Variants in ZNRF2 observed in about 807,000 individuals in gnomAD.
ZNRF2 encodes E3 ubiquitin-protein ligase ZNRF2.
ZNRF2 carries 16 observed loss-of-function variants against 20.4 expected under a neutral mutation model. The observed-to-expected ratio is 0.79, with a 90% CI of 0.53 to 1.19. ZNRF2 has a LOEUF of 1.19. Among genes scored for constraint, ZNRF2 ranks in the 50% most tolerant of loss-of-function variants. The pLI is 0.00. For synonymous variants in ZNRF2, 178 were observed against 144.9 expected, an observed-to-expected ratio of 1.23 and a Z score of -1.64; for missense variants, 363 against 332.4, an observed-to-expected ratio of 1.09 and a Z score of -0.72.
intron 1 of ZNRF2, among the ~76,000 whole-genome samples, chr7:30,319,737 G>A (rs575499703): frequency 6.6e-6 from 1 of 152,266 alleles, no homozygotes; most frequent in South Asian, 2.1e-4. Context: ...AGTTCTTTGG[G>A]TAGAAGAGAA....
intron 1 of ZNRF2, among the ~76,000 whole-genome samples, chr7:30,321,522 C>T (rs1406108882): frequency 6.6e-6 from 1 of 152,008 alleles, no homozygotes; most frequent in Non-Finnish European, 1.5e-5. Context: ...GTTTAATTCA[C>T]TGTATTTAAC....
At chr7:30,295,048 AGAGTGTGT>A (rs1409137135) in intron 1 of ZNRF2, among the ~76,000 whole-genome samples, 145 of 79,026 alleles carry the variant, frequency 1.8e-3, no homozygotes, top group East Asian at 2.8e-3. Context: ...AGAGAGAGAG[AGAGTGTGT>A]GTGTGTGTGT....
chr7:30,361,641 C>T (rs774860277), intron 3 of ZNRF2, among the ~76,000 whole-genome samples: 2 of 152,180 alleles, frequency 1.3e-5, no homozygotes, highest in Admixed American at 6.5e-5. Flanking sequence ...TATATCTATG[C>T]TGTCCCCTAG....
At chr7:30,350,330 A>G (rs891857571) in intron 2 of ZNRF2, among the ~76,000 whole-genome samples, 2 of 152,060 alleles carry the variant, frequency 1.3e-5, no homozygotes, top group Non-Finnish European at 2.9e-5. Flanking sequence ...TTCCTCCTAA[A>G]GAATAGTCTT....
chr7:30,292,166 A>G (rs1798922947), intron 1 of ZNRF2, among the ~76,000 whole-genome samples: 1 of 152,272 alleles, frequency 6.6e-6, no homozygotes, highest in East Asian at 1.9e-4. Context: ...AAAGCTACAC[A>G]TTTTCCTCCA....
intron 2 of ZNRF2, among the ~76,000 whole-genome samples, chr7:30,342,164 G>A (rs1408050649): frequency 1.3e-5 from 2 of 151,816 alleles, no homozygotes; most frequent in Non-Finnish European, 2.9e-5. Flanking sequence ...ACACTGATGG[G>A]TCTTGACTCT....
chr7:30,358,415 C>T (rs1010510044), intron 3 of ZNRF2, among the ~76,000 whole-genome samples: 2 of 152,100 alleles, frequency 1.3e-5, no homozygotes, highest in Admixed American at 6.5e-5. Flanking sequence ...TATAGGTAAT[C>T]TGAAATTAAT....
intron 1 of ZNRF2, among the ~76,000 whole-genome samples, chr7:30,302,989 A>C (rs975103057): frequency 6.6e-6 from 1 of 152,192 alleles, no homozygotes; most frequent in East Asian, 1.9e-4. Context: ...TCTGTAATAA[A>C]GAAGTCTAAG....
rs936101016 is a variant in ZNRF2 at position 30,364,903 on chromosome 7, A to T, written c.*23-1132A>T. ...GAAGTCTAAGATCAAGGTTCCAGCCAGTAGATCTGGTGTCTGATGAGGGCT... is the reference window on the plus strand; with the variant it reads ...GAAGTCTAAGATCAAGGTTCCAGCCTGTAGATCTGGTGTCTGATGAGGGCT... On this transcript the variant is annotated intron_variant, in intron 4 of 4. Coordinates refer to ENST00000323037, the MANE Select transcript of ZNRF2 (RefSeq NM_147128.4). Among the ~76,000 whole-genome samples the T allele has an allele frequency of 2.6e-5, 4 of 152,286 alleles. No homozygotes were observed. In the East Asian group the frequency reaches 7.7e-4, roughly 29 times the overall value.
chr7:30,354,742 A>G (rs768394256), intron 2 of ZNRF2, among the ~76,000 whole-genome samples: 2 of 152,172 alleles, frequency 1.3e-5, no homozygotes, highest in African/African-American at 2.4e-5. Context: ...TATAATATAA[A>G]TTCATATTGC....
intron 2 of ZNRF2, among the ~76,000 whole-genome samples, chr7:30,354,896 G>A (rs958000156): frequency 6.6e-6 from 1 of 151,992 alleles, no homozygotes; most frequent in African/African-American, 2.4e-5. Flanking sequence ...TCTATTTTAA[G>A]CAAACTGCTT....
At chr7:30,358,495 CTA>C (rs147494481) in intron 3 of ZNRF2, among the ~76,000 whole-genome samples, 1,747 of 152,194 alleles carry the variant, frequency 0.011, 18 homozygotes, top group Middle Eastern at 0.041. Context: ...TCAGATTGAT[CTA>C]TATAGTTAAT....
intron 2 of ZNRF2, among the ~76,000 whole-genome samples, chr7:30,350,154 A>ATTAG (rs1435276500): frequency 1.3e-5 from 2 of 152,024 alleles, no homozygotes; most frequent in East Asian, 3.8e-4. Flanking sequence ...TAGGTGTGGA[A>ATTAG]TTAGTGCTCC....
chr7:30,302,653 CTGT>C (rs1223179588), intron 1 of ZNRF2, among the ~76,000 whole-genome samples: 1 of 151,654 alleles, frequency 6.6e-6, no homozygotes, highest in Non-Finnish European at 1.5e-5. Flanking sequence ...AGAAATATTG[CTGT>C]TGTTTTATTC....
intron 1 of ZNRF2, among the ~76,000 whole-genome samples, chr7:30,321,698 TC>T (rs1190950889): frequency 6.6e-6 from 1 of 152,204 alleles, no homozygotes; most frequent in Non-Finnish European, 1.5e-5. Context: ...ATCAGTTGCC[TC>T]TTGCCCTCGT....
intron 2 of ZNRF2, among the ~76,000 whole-genome samples, chr7:30,342,048 CTTT>C (rs755404064): frequency 5.3e-5 from 7 of 132,646 alleles, no homozygotes; most frequent in Non-Finnish European, 6.6e-5. Context: ...TCAACCCCTG[CTTT>C]TTTTTTTTTT....
In ZNRF2 at chr7:30,352,968, C is replaced by T. The variant is rs189868955; in HGVS notation, c.566-2760C>T. On this transcript the variant is annotated intron_variant, in intron 2 of 4. Transcript: ENST00000323037. ...TGTGAAGGCAAAAGCTCAAAACTTT[C>T]CTCTGAATGAAAGTGTCATTATAGG... Among the ~76,000 whole-genome samples the T allele has an allele frequency of 2.6e-4, 40 of 152,128 alleles. No homozygotes were observed. The East Asian group carries it at 7.3e-3, about 28-fold the overall frequency.
intron 2 of ZNRF2, among the ~76,000 whole-genome samples, chr7:30,334,825 G>A (rs1297128124): frequency 6.6e-6 from 1 of 152,098 alleles, no homozygotes; most frequent in Non-Finnish European, 1.5e-5. Context: ...CAATGTGGTG[G>A]CCTACACAGC....
chr7:30,350,332 A>T (rs1377086583), intron 2 of ZNRF2, among the ~76,000 whole-genome samples: 1 of 152,082 alleles, frequency 6.6e-6, no homozygotes, highest in Non-Finnish European at 1.5e-5. Context: ...CCTCCTAAAG[A>T]ATAGTCTTAA....
Sources: gnomAD v4.1 joint callset for allele counts (sites outside exome capture counted in the v4.1 genomes callset) on GRCh38, gnomAD v4.1.1 for gene constraint, MANE v1.5 for transcripts, NCBI Gene and HGNC (gene_info 2026-07-23, HGNC 2026-07-21) for gene names.